Variants in SPHKAP observed in about 807,000 individuals in gnomAD.
The protein encoded by SPHKAP is SPHK1 interactor, AKAP domain containing.
In SPHKAP, 67 loss-of-function variants were observed where a neutral mutation model predicts 137.5. The observed-to-expected ratio is 0.49, with a 90% CI of 0.40 to 0.60. The LOEUF (loss-of-function observed/expected upper bound fraction) is 0.60. Among genes scored for constraint, SPHKAP ranks in the 20% least tolerant of loss-of-function variants. The pLI, the probability that SPHKAP is intolerant of heterozygous loss-of-function variation, is 0.00. For synonymous variants in SPHKAP, 813 were observed against 785.3 expected (o/e 1.04, Z -0.59); for missense variants, 2,097 against 2,069.3 (o/e 1.01, Z -0.26).
At chr2:228,096,357 A>G (rs1193123146) in intron 3 of SPHKAP, among the ~76,000 whole-genome samples, 1 of 152,102 alleles carries the variant, frequency 6.6e-6, no homozygotes, top group Admixed American at 6.6e-5. Flanking sequence ...CTTGCTTATC[A>G]GAGTCACAGT....
At chr2:228,178,507 C>T (rs1044797921) in intron 1 of SPHKAP, among the ~76,000 whole-genome samples, 19 of 152,082 alleles carry the variant, frequency 1.2e-4, no homozygotes, top group African/African-American at 4.6e-4. Flanking sequence ...ATACAGTGTA[C>T]TATAGAACAC....
intron 3 of SPHKAP, among the ~76,000 whole-genome samples, chr2:228,081,135 G>A (rs533655698): frequency 7.9e-5 from 12 of 152,176 alleles, no homozygotes; most frequent in African/African-American, 2.7e-4. Context: ...GCAGAGAAAA[G>A]GTTATATATC....
chr2:228,022,785 C>T (rs903554666), intron 5 of SPHKAP, among the ~76,000 whole-genome samples: 1 of 152,154 alleles, frequency 6.6e-6, no homozygotes, highest in African/African-American at 2.4e-5. Flanking sequence ...GGTTACCTCT[C>T]TTGATTAAAT....
chr2:228,139,457 C>G (rs1447623923), intron 1 of SPHKAP, among the ~76,000 whole-genome samples: 1 of 152,070 alleles, frequency 6.6e-6, no homozygotes, highest in East Asian at 1.9e-4. Context: ...GATTATATGA[C>G]AATATAAAAT....
rs1435989266 is a variant in SPHKAP, at chr2:228,017,378, A to G, written c.3476T>C (p.Ile1159Thr). The change falls in exon 7 of 12, where the codon ATT (isoleucine) becomes ACT (threonine). Residue 1159 changes from isoleucine (I) to threonine (T), a missense_variant. Coordinates refer to ENST00000392056, the MANE Select transcript of SPHKAP (RefSeq NM_001142644.2). ...CGCCTGTTGCATGGCTGAGTTCAGA[A>G]TGCTGCTGGCGTTCTTGCCAGCATA... is the stretch of plus-strand genomic sequence containing the variant. ...DYYAGKNASS[I>T]LNSAMQQACR... 1 of 1,613,988 alleles carries G rather than the reference A, an allele frequency of 6.2e-7. No individual in the cohort carries two copies. Among genetic ancestry groups the G allele is most frequent in the Non-Finnish European group, 8.5e-7 (1 of 1,179,958 alleles).
At chr2:228,012,572 T>A (rs908765919) in intron 7 of SPHKAP, among the ~76,000 whole-genome samples, 5 of 152,242 alleles carry the variant, frequency 3.3e-5, no homozygotes, top group African/African-American at 1.2e-4. Context: ...ATAATATTTT[T>A]TTGAAAGGTT....
chr2:228,132,210 C>T, intron 1 of SPHKAP, 125 bp from the exon 2 acceptor site: 1 of 783,502 alleles, frequency 1.3e-6, no homozygotes. Flanking sequence ...TTAAACACTG[C>T]AAATCCCCCT....
chr2:228,154,514 A>ATATG (rs1700042943), intron 1 of SPHKAP, among the ~76,000 whole-genome samples: 1 of 16,944 alleles, frequency 5.9e-5, no homozygotes, highest in South Asian at 3.5e-3. Context: ...CTCTCTCTCT[A>ATATG]TATATATATA....
chr2:227,982,489 A>G (rs1693037831), intron 11 of SPHKAP: 1 of 403,278 alleles, frequency 2.5e-6, no homozygotes, highest in Non-Finnish European at 3.4e-6. Flanking sequence ...CCTAGAGAGA[A>G]AGTCTGGACT....
intron 1 of SPHKAP, among the ~76,000 whole-genome samples, chr2:228,157,157 A>T (rs761086955): frequency 6.6e-6 from 1 of 152,136 alleles, no homozygotes; most frequent in African/African-American, 2.4e-5. Context: ...TTTGAATATT[A>T]CTCTTATAAA....
At chr2:228,092,688 CGT>C (rs770962117) in intron 3 of SPHKAP, among the ~76,000 whole-genome samples, 5 of 145,824 alleles carry the variant, frequency 3.4e-5, no homozygotes, top group Non-Finnish European at 7.5e-5. Context: ...CATGTATATA[CGT>C]GTATATATAT....
intron 3 of SPHKAP, among the ~76,000 whole-genome samples, chr2:228,062,988 A>G (rs1302142124): frequency 6.6e-6 from 1 of 152,230 alleles, no homozygotes; most frequent in South Asian, 2.1e-4. Flanking sequence ...TATTGAGTAC[A>G]GAAGAAATTA....
intron 7 of SPHKAP, 143 bp downstream of exon 7, chr2:228,016,260 CATT>C: frequency 7.5e-7 from 1 of 1,327,280 alleles, no homozygotes; most frequent in Non-Finnish European, 1.0e-6. Flanking sequence ...GTGCTGCACT[CATT>C]AACTCATTTT....
chr2:228,020,866 T>C (rs1294080511), intron 6 of SPHKAP, among the ~76,000 whole-genome samples: 6 of 152,084 alleles, frequency 3.9e-5, no homozygotes, highest in African/African-American at 1.2e-4. Flanking sequence ...GCTTTCCATA[T>C]GGGATACAAA....
chr2:228,067,142 G>A (rs1336404951), intron 3 of SPHKAP, among the ~76,000 whole-genome samples: 2 of 152,208 alleles, frequency 1.3e-5, no homozygotes, highest in Non-Finnish European at 1.5e-5. Context: ...AGGGCAGAAA[G>A]CCATTCTACT....
intron 3 of SPHKAP, among the ~76,000 whole-genome samples, chr2:228,088,271 A>G (rs1456026670): frequency 6.6e-6 from 1 of 152,242 alleles, no homozygotes; most frequent in Non-Finnish European, 1.5e-5. Context: ...TAGATGTAGT[A>G]TTAATAACAT....
intron 3 of SPHKAP, among the ~76,000 whole-genome samples, chr2:228,091,907 C>G (rs1391872407): frequency 6.6e-6 from 1 of 152,000 alleles, no homozygotes; most frequent in South Asian, 2.1e-4. Flanking sequence ...ATCCAGCAAT[C>G]CCACTACTGG....
chr2:228,180,244 G>T (rs1185685100), intron 1 of SPHKAP, among the ~76,000 whole-genome samples: 1 of 152,110 alleles, frequency 6.6e-6, no homozygotes, highest in Admixed American at 6.6e-5. Flanking sequence ...TGCTATCCCC[G>T]CAGCGAAGGG....
intron 3 of SPHKAP, among the ~76,000 whole-genome samples, chr2:228,040,398 T>A (rs1695789836): frequency 6.6e-6 from 1 of 152,218 alleles, no homozygotes; most frequent in African/African-American, 2.4e-5. Flanking sequence ...TGCCTAGTAC[T>A]GTAGGCAATT....
Sources: gnomAD v4.1 joint callset for allele counts (sites outside exome capture counted in the v4.1 genomes callset) on GRCh38, gnomAD v4.1.1 for gene constraint, MANE v1.5 for transcripts, NCBI Gene and HGNC (gene_info 2026-07-23, HGNC 2026-07-21) for gene names.